NUP107: variants seen among roughly 807,000 people sequenced by gnomAD.
NUP107 encodes the protein nuclear pore complex protein Nup107.
Under a neutral mutation model 141.0 loss-of-function variants are expected in NUP107, and 101 were observed. That is an observed-to-expected ratio of 0.72 (90% CI 0.61 to 0.84). The LOEUF (loss-of-function observed/expected upper bound fraction) is 0.84. Ranked by LOEUF, NUP107 falls within the 40% of genes least tolerant of loss-of-function variation. NUP107 has a pLI of 0.00. For synonymous variants in NUP107, 319 were observed against 363.9 expected (o/e 0.88, Z 1.41); for missense variants, 941 against 1,102.7 (o/e 0.85, Z 2.08).
rs765081150 is a variant in NUP107, at chr12:68,719,302, C to T, written c.1084-39C>T. 1.1e-5 allele frequency: 17 copies of T among 1,482,936 alleles called. No homozygotes were observed. In the African/African-American group the frequency reaches 1.4e-4, roughly 12 times the overall value. 91.9% of individuals were successfully genotyped at this position (1,482,936 alleles called of 1,614,324 possible). A position where few individuals can be genotyped will look rare whatever the true frequency, so the allele number is the denominator to read the frequency against. On this transcript the variant is annotated intron_variant, in intron 12 of 27. Coordinates refer to ENST00000229179, the MANE Select transcript of NUP107 (RefSeq NM_020401.4). Reference sequence around the variant, plus strand: ...TTGGTTATACTTTACTATAAAGCACCCTGGTTATTGGACTGACTGCTCTTT... The same window carrying T: ...TTGGTTATACTTTACTATAAAGCACTCTGGTTATTGGACTGACTGCTCTTT...
intron 8 of NUP107, chr12:68,706,609 A>G (rs766259060): frequency 6.7e-5 from 47 of 702,860 alleles, no homozygotes; most frequent in Non-Finnish European, 1.0e-4. Flanking sequence ...CTCAAAGGCC[A>G]GAGGGCTTCC....
intron 23 of NUP107, 81 bp downstream of exon 23, chr12:68,732,820 C>T (rs1344117042): frequency 4.4e-6 from 4 of 902,290 alleles, no homozygotes; most frequent in East Asian, 5.3e-5. Context: ...GCTGGGACTA[C>T]AGGCACCCAC....
chr12:68,693,079 TTA>T (rs1428559809), intron 5 of NUP107, among the ~76,000 whole-genome samples: 1 of 149,524 alleles, frequency 6.7e-6, no homozygotes, highest in Non-Finnish European at 1.5e-5. Context: ...ATTTATTTAT[TTA>T]TTTATTTTTT....
chr12:68,687,384 A>G (rs1258498114), intron 1 of NUP107: 44 of 1,052,814 alleles, frequency 4.2e-5, no homozygotes, highest in Non-Finnish European at 5.1e-5. Context: ...TCGAAATGCT[A>G]AGTGACCAGC....
intron 8 of NUP107, 39 bp downstream of exon 8, chr12:68,702,823 C>T (rs1592498608): frequency 9.0e-7 from 1 of 1,110,820 alleles, no homozygotes; most frequent in Non-Finnish European, 1.3e-6. Flanking sequence ...TAAATACATA[C>T]AAATTAAAAT....
At position 68,687,058 on chromosome 12, in the gene NUP107, C is replaced by T; in HGVS notation, c.-8C>T. ...CAACTTTGGTTGTGTGTGGAAAAGGCTTTAGCCATGGACAGGTCAGTACTG... is the reference window on the plus strand; with the variant it reads ...CAACTTTGGTTGTGTGTGGAAAAGGTTTTAGCCATGGACAGGTCAGTACTG... On this transcript the variant is annotated 5_prime_UTR_variant, in exon 1 of 28. Transcript: ENST00000229179. 2 of 1,614,180 alleles carry T rather than the reference C, an allele frequency of 1.2e-6. No homozygotes were observed. Among genetic ancestry groups the T allele is most frequent in the Non-Finnish European group, 8.5e-7 (1 of 1,179,988 alleles).
intron 1 of NUP107, 193 bp downstream of exon 1, chr12:68,687,266 C>T (rs1875542762): frequency 3.7e-6 from 3 of 814,900 alleles, no homozygotes; most frequent in African/African-American, 3.4e-5. Context: ...GGGTGGGGTA[C>T]AGATCATAAT....
chr12:68,733,697 A>G, intron 24 of NUP107, 85 bp downstream of exon 24: 1 of 1,389,176 alleles, frequency 7.2e-7, no homozygotes. Flanking sequence ...TTTTTCTAGA[A>G]GTAGTGTTGG....
Position 68,731,739 on chromosome 12 carries a change from C to T in NUP107, c.1998+20C>T, listed in dbSNP as rs115896546. On this transcript the variant is annotated intron_variant, in intron 22 of 27. Transcript: ENST00000229179. The stretch of plus-strand genomic sequence containing the variant: ...ACTGAGGTAATTTGGGATGGGGGGG[C>T]AGAGGTTTCTATAACTTCTAATAAT... 3.2e-4 allele frequency: 410 copies of T among 1,270,230 alleles called. 2 individuals carry two copies. In the African/African-American group the frequency reaches 5.9e-3, roughly 18 times the overall value. 78.7% of individuals were successfully genotyped at this position (1,270,230 alleles called of 1,614,324 possible). A position where few individuals can be genotyped will look rare whatever the true frequency, so the allele number is the denominator to read the frequency against.
intron 20 of NUP107, 144 bp from the exon 21 acceptor site, chr12:68,730,966 T>C: frequency 1.9e-6 from 1 of 523,780 alleles, no homozygotes; most frequent in Non-Finnish European, 3.1e-6. Flanking sequence ...AGACCCTGTC[T>C]CAAACAAATA....
At chr12:68,702,840 A>G in intron 8 of NUP107, 56 bp downstream of exon 8, 1 of 1,068,660 alleles carries the variant, frequency 9.4e-7, no homozygotes, top group Non-Finnish European at 1.3e-6. Flanking sequence ...AAATGTTACT[A>G]ATAGGATTTT....
chr12:68,731,829 T>C, intron 22 of NUP107, 110 bp downstream of exon 22: 1 of 617,748 alleles, frequency 1.6e-6, no homozygotes, highest in Non-Finnish European at 2.8e-6. Flanking sequence ...TTTTCTTTTT[T>C]AAGAATGTGT....
At chr12:68,706,660 T>G (rs1196333825) in intron 8 of NUP107, 1 of 725,172 alleles carries the variant, frequency 1.4e-6, no homozygotes, top group African/African-American at 1.7e-5. Context: ...CATGGGGAGC[T>G]GGCAGTTAAG....
Position 68,693,084 on chromosome 12 carries a change from T to A in NUP107, c.448+972T>A, listed in dbSNP as rs564850714. On this transcript the variant is annotated intron_variant, in intron 5 of 27. Coordinates refer to ENST00000229179, the MANE Select transcript of NUP107 (RefSeq NM_020401.4). Reference sequence around the variant, plus strand: ...TTTTTTATTTATTTATTTATTTATTTATTTTTTTTTTTAGACGGAGTCTCA... The same window carrying A: ...TTTTTTATTTATTTATTTATTTATTAATTTTTTTTTTTAGACGGAGTCTCA... 3.3e-3 allele frequency among the ~76,000 whole-genome samples: 482 copies of A among 148,012 alleles called. 1 individual carries two copies. Among genetic ancestry groups the A allele is most frequent in the African/African-American group, 0.011 (456 of 40,326 alleles).
At position 68,687,059 on chromosome 12, in the gene NUP107, T is replaced by C. The variant is rs1592486595; in HGVS notation, c.-7T>C. The C allele has an allele frequency of 1.9e-6, 3 of 1,614,176 alleles. No homozygotes were observed. The South Asian group carries it at 3.3e-5, about 18-fold the overall frequency. Reference sequence around the variant, plus strand: ...AACTTTGGTTGTGTGTGGAAAAGGCTTTAGCCATGGACAGGTCAGTACTGA... The same window carrying C: ...AACTTTGGTTGTGTGTGGAAAAGGCCTTAGCCATGGACAGGTCAGTACTGA... On this transcript the variant is annotated 5_prime_UTR_variant, in exon 1 of 28. Coordinates refer to ENST00000229179, the MANE Select transcript of NUP107 (RefSeq NM_020401.4).
intron 7 of NUP107, among the ~76,000 whole-genome samples, chr12:68,702,314 A>C (rs1876369567): frequency 6.6e-6 from 1 of 152,040 alleles, no homozygotes; most frequent in Non-Finnish European, 1.5e-5. Context: ...TAGTAGAGAC[A>C]GGGTTTCACT....
chr12:68,719,380 G>A lies in NUP107; in HGVS notation c.1123G>A (p.Ala375Thr). ...LCKRCGQAWRAATLEGWKLYH... is the reference protein window; with the variant it reads ...LCKRCGQAWRTATLEGWKLYH... ...TAAACGCTGTGGTCAAGCATGGAGAGCTGCAACACTTGAAGGCTGGAAACT... is the reference window on the plus strand; with the variant it reads ...TAAACGCTGTGGTCAAGCATGGAGAACTGCAACACTTGAAGGCTGGAAACT... The change falls in exon 13 of 28, where the codon GCT (alanine) becomes ACT (threonine). Residue 375 changes from alanine to threonine, a missense_variant. Transcript: ENST00000229179. 1 of 1,614,172 alleles carries A rather than the reference G, an allele frequency of 6.2e-7. No homozygotes were observed. Among genetic ancestry groups the A allele is most frequent in the Non-Finnish European group, 8.5e-7 (1 of 1,180,014 alleles).
chr12:68,714,598 A>G (rs1328997773), intron 11 of NUP107, among the ~76,000 whole-genome samples: 5 of 152,248 alleles, frequency 3.3e-5, no homozygotes. Context: ...ATATTACCAT[A>G]CACTAAGTAA....
chr12:68,705,841 C>T (rs1426334543), intron 8 of NUP107: 1 of 775,114 alleles, frequency 1.3e-6, no homozygotes, highest in African/African-American at 1.7e-5. Flanking sequence ...CACGGTCAAC[C>T]AGAGCCTGCT....
Sources: gnomAD v4.1 joint callset for allele counts (sites outside exome capture counted in the v4.1 genomes callset) on GRCh38, gnomAD v4.1.1 for gene constraint, MANE v1.5 for transcripts, NCBI Gene and HGNC (gene_info 2026-07-23, HGNC 2026-07-21) for gene names.